Variants in ROBO2 observed in about 807,000 individuals in gnomAD.
ROBO2 encodes roundabout homolog 2.
In ROBO2, 53 loss-of-function variants were observed where a neutral mutation model predicts 160.8. The ratio of observed to expected loss-of-function variants is 0.33; its 90% CI spans 0.26 to 0.41. The LOEUF (loss-of-function observed/expected upper bound fraction) is 0.41, where lower values mean the gene tolerates loss of function less well. Among genes scored for constraint, ROBO2 ranks in the 10% least tolerant of loss-of-function variants. The pLI, the probability that ROBO2 is intolerant of heterozygous loss-of-function variation, is 1.00. For missense variants in ROBO2, 1,577 were observed against 1,722.4 expected (o/e 0.92, Z 1.49); for synonymous variants, 664 against 611.7 (o/e 1.09, Z -1.26).
At chr3:77,388,215 G>A (rs1201472468) in intron 2 of ROBO2, among the ~76,000 whole-genome samples, 3 of 151,788 alleles carry the variant, frequency 2.0e-5, no homozygotes, top group African/African-American at 7.3e-5. Context: ...AAATGTGAAA[G>A]GATGCAGGGT....
intron 2 of ROBO2, among the ~76,000 whole-genome samples, chr3:76,694,092 G>A (rs145123006): frequency 6.6e-6 from 1 of 152,276 alleles, no homozygotes; most frequent in Non-Finnish European, 1.5e-5. Flanking sequence ...ATATTTGTCT[G>A]GAGAGAAAGG....
At chr3:76,081,837 T>TACAC (rs55705748) in intron 2 of ROBO2, among the ~76,000 whole-genome samples, 15,865 of 148,006 alleles carry the variant, frequency 0.11, 1,506 homozygotes, top group African/African-American at 0.26. Flanking sequence ...TGTAAATACA[T>TACAC]ACACACACAC....
At chr3:76,074,711 A>G (rs553560606) in intron 2 of ROBO2, among the ~76,000 whole-genome samples, 3 of 152,216 alleles carry the variant, frequency 2.0e-5, no homozygotes, top group Non-Finnish European at 2.9e-5. Context: ...AAGACTGTTC[A>G]TAGTAAAATA....
At chr3:76,522,214 G>A (rs1193843917) in intron 2 of ROBO2, among the ~76,000 whole-genome samples, 2 of 152,092 alleles carry the variant, frequency 1.3e-5, no homozygotes, top group Non-Finnish European at 2.9e-5. Flanking sequence ...AATCATTTCA[G>A]CATTGGCCCA....
Position 77,428,589 on chromosome 3 carries a change from C to T in ROBO2, c.389-48825C>T, listed in dbSNP as rs201716267. On this transcript the variant is annotated intron_variant, in intron 2 of 25. Coordinates refer to ENST00000461745, the Ensembl canonical transcript of ROBO2. The stretch of plus-strand genomic sequence containing the variant: ...GCCAGGATGGTCTCGATCTCCTGAC[C>T]TCATGATCCACCCGCCTCGGCCTCC... Among the ~76,000 whole-genome samples, 36 of 151,544 alleles carry T rather than the reference C, an allele frequency of 2.4e-4. No individual in the cohort carries two copies. The East Asian group carries it at 4.3e-3, about 18-fold the overall frequency.
intron 2 of ROBO2, among the ~76,000 whole-genome samples, chr3:76,300,919 G>C (rs1490054923): frequency 3.3e-5 from 5 of 152,046 alleles, no homozygotes; most frequent in South Asian, 2.1e-4. Flanking sequence ...GTGAGTCATG[G>C]TTTTGTCACA....
At position 76,460,608 on chromosome 3, in the gene ROBO2, C is replaced by A. The variant is rs190683103; in HGVS notation, c.109+523006C>A. Among the ~76,000 whole-genome samples, 625 of 152,290 alleles carry A rather than the reference C, an allele frequency of 4.1e-3. 5 individuals carry two copies. The highest frequency in any genetic ancestry group is 6.7e-3 in the Non-Finnish European group (453 of 68,026). ...GATAGGAATTGAGGCTCTCCACCAA[C>A]AAGGAACACCAACTTGCCAGCCACG... On this transcript the variant is annotated intron_variant, in intron 2 of 26. Transcript: ENST00000487694.
chr3:76,087,056 A>G (rs2069042585), intron 2 of ROBO2, among the ~76,000 whole-genome samples: 3 of 152,018 alleles, frequency 2.0e-5, no homozygotes, highest in African/African-American at 7.2e-5. Flanking sequence ...ACTAAAAACT[A>G]TGCATAAAGG....
At chr3:77,380,566 G>A (rs1293937690) in intron 2 of ROBO2, among the ~76,000 whole-genome samples, 1 of 152,104 alleles carries the variant, frequency 6.6e-6, no homozygotes, top group Non-Finnish European at 1.5e-5. Context: ...AAAATTAATA[G>A]AATTGGTAGT....
chr3:77,237,467 C>G (rs2088241573), intron 2 of ROBO2, among the ~76,000 whole-genome samples: 1 of 130,442 alleles, frequency 7.7e-6, no homozygotes, highest in African/African-American at 2.6e-5. Flanking sequence ...GTCTCACTAT[C>G]TTGCCCAAGC....
chr3:76,344,188 A>C (rs916881828), intron 2 of ROBO2, among the ~76,000 whole-genome samples: 1 of 152,176 alleles, frequency 6.6e-6, no homozygotes. Context: ...AATTGAATGT[A>C]AGAAAAGAGT....
intron 2 of ROBO2, among the ~76,000 whole-genome samples, chr3:76,664,684 G>T (rs1394379816): frequency 6.6e-6 from 1 of 152,164 alleles, no homozygotes; most frequent in Non-Finnish European, 1.5e-5. Flanking sequence ...TAAGGGTGAA[G>T]AATGAGTCTT....
At chr3:76,424,684 A>G (rs1502555) in intron 2 of ROBO2, among the ~76,000 whole-genome samples, 100,825 of 152,006 alleles carry the variant, frequency 0.66, 34,224 homozygotes, top group African/African-American at 0.82. Flanking sequence ...AAAAAGTAGG[A>G]GAGTAATGGG....
intron 2 of ROBO2, among the ~76,000 whole-genome samples, chr3:76,379,467 AT>A (rs2076513000): frequency 6.6e-6 from 1 of 152,162 alleles, no homozygotes; most frequent in Admixed American, 6.5e-5. Context: ...CCTTGTATAC[AT>A]TTCAGTCTCC....
chr3:77,019,033 C>T (rs1329215965), intron 2 of ROBO2, among the ~76,000 whole-genome samples: 1 of 152,150 alleles, frequency 6.6e-6, no homozygotes, highest in African/African-American at 2.4e-5. Flanking sequence ...GAGCATCCTT[C>T]CAAATTAGAG....
At chr3:76,073,324 C>G (rs776400842) in intron 2 of ROBO2, among the ~76,000 whole-genome samples, 2 of 105,098 alleles carry the variant, frequency 1.9e-5, no homozygotes, top group Non-Finnish European at 3.6e-5. Flanking sequence ...GACGGAGTCT[C>G]GCTCTGTCAC....
intron 1 of ROBO2, chr3:77,091,914 A>T (rs904341647): frequency 4.6e-5 from 7 of 151,892 alleles, no homozygotes; most frequent in Middle Eastern, 3.2e-3. Flanking sequence ...TGGGAGACGG[A>T]GGTTGCAGTG....
intron 1 of ROBO2, among the ~76,000 whole-genome samples, chr3:77,066,858 A>G (rs1404185237): frequency 6.6e-6 from 1 of 152,044 alleles, no homozygotes; most frequent in Non-Finnish European, 1.5e-5. Context: ...AAACAGACAA[A>G]TCTTTGGTAT....
intron 1 of ROBO2, among the ~76,000 whole-genome samples, chr3:75,930,454 A>C (rs1209143918): frequency 3.3e-5 from 5 of 152,230 alleles, no homozygotes; most frequent in African/African-American, 1.2e-4. Context: ...CATTAGTAGA[A>C]CAATTTATTT....
Sources: allele counts gnomAD v4.1 joint callset (sites outside exome capture counted in the v4.1 genomes callset), GRCh38; gene constraint gnomAD v4.1.1; transcripts MANE v1.5; gene names NCBI Gene and HGNC (gene_info 2026-07-23, HGNC 2026-07-21).